The following FHOD3 variants were observed in gnomAD, a reference collection of about 807,000 sequenced individuals.
FHOD3 encodes formin homology 2 domain containing 3.
A neutral mutation model predicts 173.0 loss-of-function variants in FHOD3; 90 were observed. The observed-to-expected ratio is 0.52, with a 90% CI of 0.44 to 0.62. The LOEUF is 0.62. Among genes scored for constraint, FHOD3 ranks in the 20% least tolerant of loss-of-function variants. The pLI is 0.00. For synonymous variants in FHOD3, 828 were observed against 823.0 expected, an observed-to-expected ratio of 1.01 and a Z score of -0.10; for missense variants, 1,945 against 2,034.7, an observed-to-expected ratio of 0.96 and a Z score of 0.85.
At chr18:36,694,294 T>A (rs1001846323) in intron 17 of FHOD3, among the ~76,000 whole-genome samples, 5 of 152,232 alleles carry the variant, frequency 3.3e-5, no homozygotes, top group African/African-American at 1.2e-4. Flanking sequence ...TAAAGTTTAA[T>A]TTAAACAAGG....
intron 27 of FHOD3, among the ~76,000 whole-genome samples, chr18:36,761,507 C>T (rs1194822053): frequency 1.3e-5 from 2 of 152,140 alleles, no homozygotes; most frequent in Non-Finnish European, 2.9e-5. Flanking sequence ...CAGGTCCTGT[C>T]CTATCTCCCA....
rs1420899994 is a variant in FHOD3, at chr18:36,576,645, T to C, written c.606+100T>C. 4 of 871,670 alleles carry C rather than the reference T, an allele frequency of 4.6e-6. No individual in the cohort carries two copies. In the African/African-American group the frequency reaches 6.8e-5, roughly 15 times the overall value. 54.0% of individuals were successfully genotyped at this position (871,670 alleles called of 1,614,324 possible). A position where few individuals can be genotyped will look rare whatever the true frequency, so the allele number is the denominator to read the frequency against. On this transcript the variant is annotated intron_variant, in intron 6 of 28. Coordinates refer to ENST00000590592, the MANE Select transcript of FHOD3 (RefSeq NM_001281740.3). Reference sequence around the variant, plus strand: ...TTGCAGAAAGAAATTTTATTCAGCTTTTTTCAAGCCGTTACAGTATAAATG... The same window carrying C: ...TTGCAGAAAGAAATTTTATTCAGCTCTTTTCAAGCCGTTACAGTATAAATG...
rs550465075 is a variant in FHOD3, at chr18:36,410,856, C to T, written c.337+38112C>T. 6.1e-4 allele frequency among the ~76,000 whole-genome samples: 92 copies of T among 151,852 alleles called. 3 individuals carry two copies. The South Asian group carries it at 0.019, about 31-fold the overall frequency. ...CCACTTAAAAAATAGGGTTATTTGG[C>T]TTTTTTTTAATTGTTAAATTTTGTA... is the stretch of plus-strand genomic sequence containing the variant. On this transcript the variant is annotated intron_variant, in intron 3 of 28. Transcript: ENST00000590592.
At chr18:36,686,300 G>C (rs575516797) in intron 15 of FHOD3, among the ~76,000 whole-genome samples, 6 of 151,952 alleles carry the variant, frequency 3.9e-5, no homozygotes, top group African/African-American at 1.4e-4. Flanking sequence ...CACATCCTTC[G>C]CAAGGACATG....
chr18:36,373,170 C>T (rs541039478), intron 3 of FHOD3, among the ~76,000 whole-genome samples: 4 of 152,192 alleles, frequency 2.6e-5, no homozygotes, highest in East Asian at 3.9e-4. Context: ...GATGAGGGTA[C>T]GTGTGGATAC....
chr18:36,621,602 G>A (rs1015887813), intron 9 of FHOD3, among the ~76,000 whole-genome samples: 1 of 152,160 alleles, frequency 6.6e-6, no homozygotes. Flanking sequence ...TTTCAAAAAG[G>A]CAAGTCCCAG....
At chr18:36,580,048 TAAAC>T (rs759052083) in intron 6 of FHOD3, among the ~76,000 whole-genome samples, 8 of 151,956 alleles carry the variant, frequency 5.3e-5, no homozygotes, top group African/African-American at 9.7e-5. Flanking sequence ...GTAAGGAAAA[TAAAC>T]AATCAGGAAA....
intron 10 of FHOD3, among the ~76,000 whole-genome samples, chr18:36,634,031 A>G (rs560689476): frequency 1.3e-5 from 2 of 152,236 alleles, no homozygotes; most frequent in Non-Finnish European, 1.5e-5. Context: ...ACAGAAACTC[A>G]TAGTTAAAAG....
intron 17 of FHOD3, among the ~76,000 whole-genome samples, chr18:36,705,990 T>TGA (rs1257917795): frequency 7.4e-6 from 1 of 135,744 alleles, no homozygotes; most frequent in Non-Finnish European, 1.6e-5. Flanking sequence ...TGTGTGTGTG[T>TGA]GCACGGAGAG....
chr18:36,600,857 C>T (rs994641183), intron 7 of FHOD3, among the ~76,000 whole-genome samples: 2 of 152,174 alleles, frequency 1.3e-5, no homozygotes, highest in African/African-American at 2.4e-5. Flanking sequence ...GTCTTAGTTT[C>T]GATACTTTCT....
intron 14 of FHOD3, among the ~76,000 whole-genome samples, chr18:36,673,435 T>C (rs1003270182): frequency 3.3e-5 from 5 of 152,218 alleles, no homozygotes; most frequent in Non-Finnish European, 5.9e-5. Flanking sequence ...ATGGAAATAA[T>C]GTTGAATTCC....
intron 5 of FHOD3, among the ~76,000 whole-genome samples, chr18:36,521,011 A>C (rs963303020): frequency 6.6e-6 from 1 of 152,214 alleles, no homozygotes; most frequent in Non-Finnish European, 1.5e-5. Flanking sequence ...CTTCTTTTAC[A>C]AGGTTTCTAT....
intron 3 of FHOD3, among the ~76,000 whole-genome samples, chr18:36,475,652 A>T (rs2145276412): frequency 6.6e-6 from 1 of 152,224 alleles, no homozygotes; most frequent in Admixed American, 6.5e-5. Context: ...GTTTAAATGT[A>T]TATATGATGT....
intron 3 of FHOD3, among the ~76,000 whole-genome samples, chr18:36,377,520 G>A (rs1337548015): frequency 5.9e-5 from 9 of 152,236 alleles, no homozygotes; most frequent in Admixed American, 5.9e-4. Flanking sequence ...CCTATGGGAA[G>A]CAGCAAATTG....
At chr18:36,346,688 C>T (rs370572258) in intron 1 of FHOD3, among the ~76,000 whole-genome samples, 34 of 152,294 alleles carry the variant, frequency 2.2e-4, no homozygotes, top group African/African-American at 7.9e-4. Context: ...TGTCCCTGAT[C>T]CTGGCGGTGG....
chr18:36,660,031 G>A (rs2036679144), intron 14 of FHOD3, among the ~76,000 whole-genome samples: 1 of 152,194 alleles, frequency 6.6e-6, no homozygotes, highest in Admixed American at 6.5e-5. Flanking sequence ...AACACTTTGG[G>A]AGGCCGAGGT....
intron 3 of FHOD3, among the ~76,000 whole-genome samples, chr18:36,446,600 G>A (rs1269653576): frequency 6.6e-6 from 1 of 152,062 alleles, no homozygotes; most frequent in Non-Finnish European, 1.5e-5. Context: ...AGAGAATTGC[G>A]GGAGGAGCTG....
intron 5 of FHOD3, among the ~76,000 whole-genome samples, chr18:36,519,391 C>T (rs1429044564): frequency 2.0e-5 from 3 of 152,186 alleles, no homozygotes; most frequent in Admixed American, 6.5e-5. Flanking sequence ...GATGGATCTG[C>T]CAAGGTCAGT....
intron 3 of FHOD3, among the ~76,000 whole-genome samples, chr18:36,499,250 T>G (rs537146553): frequency 7.0e-4 from 106 of 152,218 alleles, no homozygotes; most frequent in African/African-American, 2.3e-3. Context: ...ATTACAGGCA[T>G]GTGCCACCAT....
Sources: gnomAD v4.1 joint callset for allele counts (sites outside exome capture counted in the v4.1 genomes callset) on GRCh38, gnomAD v4.1.1 for gene constraint, MANE v1.5 for transcripts, NCBI Gene and HGNC (gene_info 2026-07-23, HGNC 2026-07-21) for gene names.